Variants in KPNA4 observed in about 807,000 individuals in gnomAD.
KPNA4 encodes importin subunit alpha-3.
A neutral mutation model predicts 71.3 loss-of-function variants in KPNA4; 13 were observed. The ratio of observed to expected loss-of-function variants is 0.18; its 90% CI spans 0.12 to 0.29. KPNA4 has a LOEUF of 0.29. Ranked by LOEUF, KPNA4 falls within the 10% of genes least tolerant of loss-of-function variation. The probability of loss-of-function intolerance (pLI) is 1.00; values close to 1 mark genes in which losing one functional copy is unlikely to be tolerated. For missense variants in KPNA4, 334 were observed against 603.2 expected (o/e 0.55, Z 4.67); for synonymous variants, 189 against 195.2 (o/e 0.97, Z 0.26).
At chr3:160,516,661 A>T (rs1281275772) in intron 11 of KPNA4, among the ~76,000 whole-genome samples, 1 of 151,840 alleles carries the variant, frequency 6.6e-6, no homozygotes, top group Admixed American at 6.6e-5. Context: ...AGTCCCAGCT[A>T]CTTGGGAGAC....
intron 16 of KPNA4, among the ~76,000 whole-genome samples, chr3:160,503,219 G>C (rs1175919085): frequency 6.6e-6 from 1 of 152,080 alleles, no homozygotes. Flanking sequence ...TTTGGAAAGT[G>C]AATCTTTGGT....
At chr3:160,514,791 T>G (rs1261950409) in intron 12 of KPNA4, 10 of 381,594 alleles carry the variant, frequency 2.6e-5, no homozygotes, top group South Asian at 2.1e-4. Flanking sequence ...ACCCTTTACA[T>G]CACAGTTGGT....
chr3:160,508,454 C>T (rs1054557933), intron 14 of KPNA4, among the ~76,000 whole-genome samples, 185 bp from the exon 15 acceptor site: 4 of 151,696 alleles, frequency 2.6e-5, no homozygotes, highest in Non-Finnish European at 4.4e-5. Flanking sequence ...TCCTTTTTCC[C>T]GAACTTAGAA....
rs1443385949 is a variant in KPNA4, at chr3:160,498,394, C to G, written c.*3710G>C. 2.6e-5 allele frequency: 4 copies of G among 152,254 alleles called. No individual in the cohort carries two copies. Among genetic ancestry groups the G allele is most frequent in the South Asian group, 4.1e-4 (2 of 4,820 alleles). 9.4% of individuals were successfully genotyped at this position (152,254 alleles called of 1,614,324 possible). On this transcript the variant is annotated 3_prime_UTR_variant, in exon 17 of 17. Coordinates refer to ENST00000334256, the MANE Select transcript of KPNA4 (RefSeq NM_002268.5). ...ACTCTTAAGATGGCTCCCAAGATTC[C>G]CTGGTATACATACTCCATATAACCC...
At chr3:160,517,218 T>C (rs1057107067) in intron 11 of KPNA4, among the ~76,000 whole-genome samples, 1 of 152,086 alleles carries the variant, frequency 6.6e-6, no homozygotes, top group Non-Finnish European at 1.5e-5. Flanking sequence ...AATCAAAATG[T>C]ATTTGGCCTT....
intron 1 of KPNA4, among the ~76,000 whole-genome samples, chr3:160,537,202 A>T (rs1292345346): frequency 2.0e-5 from 3 of 151,642 alleles, no homozygotes; most frequent in African/African-American, 7.3e-5. Context: ...CACGTACAAG[A>T]TTAGTAAATT....
At chr3:160,550,752 C>T (rs889896789) in intron 1 of KPNA4, among the ~76,000 whole-genome samples, 6 of 152,306 alleles carry the variant, frequency 3.9e-5, no homozygotes, top group African/African-American at 1.4e-4. Context: ...AACTTTTCCT[C>T]CATCAACTGG....
At chr3:160,512,230 G>A (rs1212886543) in intron 13 of KPNA4, among the ~76,000 whole-genome samples, 1 of 152,076 alleles carries the variant, frequency 6.6e-6, no homozygotes, top group Admixed American at 6.6e-5. Flanking sequence ...AAACATGTAA[G>A]ATAGGCCTGG....
At chr3:160,564,614 G>A (rs1012196288) in intron 1 of KPNA4, 3 of 152,202 alleles carry the variant, frequency 2.0e-5, no homozygotes, top group African/African-American at 7.2e-5. Flanking sequence ...TCACGCCGGG[G>A]GTGTTTTTTT....
In KPNA4 at chr3:160,495,325, C is replaced by G. The variant is rs1175730750; in HGVS notation, c.*6779G>C. 6.6e-6 allele frequency: 1 copy of G among 152,118 alleles called. No homozygotes were observed. Among genetic ancestry groups the G allele is most frequent in the African/African-American group, 2.4e-5 (1 of 41,394 alleles). The allele number at this position is 152,118 out of a possible 1,614,324, so 9.4% of individuals were successfully genotyped here. ...AGGACGTAAAGTGCGGTTGAGAAAG[C>G]CAGGATGCAAACAAACATTTCCTAT... On this transcript the variant is annotated 3_prime_UTR_variant, in exon 17 of 17. Coordinates refer to ENST00000334256, the MANE Select transcript of KPNA4 (RefSeq NM_002268.5).
chr3:160,502,777 G>C (rs918510553), intron 16 of KPNA4, among the ~76,000 whole-genome samples: 5 of 152,130 alleles, frequency 3.3e-5, no homozygotes. Context: ...GTCTCAAAGA[G>C]AGGATGCAAA....
intron 11 of KPNA4, among the ~76,000 whole-genome samples, chr3:160,519,801 C>CAAAAAAAAAAAA (rs558355699): frequency 9.2e-4 from 77 of 83,690 alleles, no homozygotes; most frequent in African/African-American, 3.3e-3. Context: ...GACTCCGTCT[C>CAAAAAAAAAAAA]AAAAAAAAAA....
At chr3:160,530,750 T>C (rs1041565967) in intron 7 of KPNA4, 105 bp downstream of exon 7, 2 of 723,894 alleles carry the variant, frequency 2.8e-6, no homozygotes, top group African/African-American at 3.7e-5. Context: ...ACGTAGTAGC[T>C]ATTATTTTAT....
chr3:160,552,348 T>C (rs1722057002), intron 1 of KPNA4, among the ~76,000 whole-genome samples: 1 of 152,274 alleles, frequency 6.6e-6, no homozygotes, highest in African/African-American at 2.4e-5. Flanking sequence ...TAAATTTATA[T>C]AATACACAAG....
At chr3:160,563,523 T>A (rs1286477703) in intron 1 of KPNA4, among the ~76,000 whole-genome samples, 1 of 152,158 alleles carries the variant, frequency 6.6e-6, no homozygotes, top group Non-Finnish European at 1.5e-5. Context: ...GCATGCGAAT[T>A]ACATCTCAAT....
At chr3:160,543,396 A>AGT (rs1211493971) in intron 1 of KPNA4, among the ~76,000 whole-genome samples, 1 of 150,838 alleles carries the variant, frequency 6.6e-6, no homozygotes. Flanking sequence ...GCTGGAGTGC[A>AGT]GTGGCGCGAC....
intron 1 of KPNA4, chr3:160,564,705 C>CT (rs2108564332): frequency 6.6e-6 from 1 of 152,200 alleles, no homozygotes; most frequent in South Asian, 2.1e-4. Context: ...GAAAAAATGC[C>CT]TTTAAGTGGA....
intron 7 of KPNA4, among the ~76,000 whole-genome samples, chr3:160,529,663 T>C (rs1721529620): frequency 6.6e-6 from 1 of 152,142 alleles, no homozygotes; most frequent in African/African-American, 2.4e-5. Flanking sequence ...ATTTCTTTGT[T>C]TGGTAGAACA....
In KPNA4 at chr3:160,561,431, C is replaced by T. The variant is rs529707439; in HGVS notation, c.69+3783G>A. On this transcript the variant is annotated intron_variant, in intron 1 of 16. Coordinates refer to ENST00000334256, the MANE Select transcript of KPNA4 (RefSeq NM_002268.5). ...CTATTCTCAAACTAAGACTGGGGAT[C>T]TTCTACAACACTGTAAGAAGCAGCC... 9.2e-5 allele frequency among the ~76,000 whole-genome samples: 14 copies of T among 151,972 alleles called. No homozygotes were observed. In the South Asian group the frequency reaches 2.5e-3, roughly 27 times the overall value.
Sources: gnomAD v4.1 joint callset for allele counts (sites outside exome capture counted in the v4.1 genomes callset) on GRCh38, gnomAD v4.1.1 for gene constraint, MANE v1.5 for transcripts, NCBI Gene and HGNC (gene_info 2026-07-23, HGNC 2026-07-21) for gene names.